Variants in CERS6 observed in about 807,000 individuals in gnomAD.
CERS6 encodes the protein ceramide synthase 6.
CERS6 carries 26 observed loss-of-function variants against 56.8 expected under a neutral mutation model. That is an observed-to-expected ratio of 0.46 (90% CI 0.34 to 0.63). The LOEUF (loss-of-function observed/expected upper bound fraction) is 0.63. Ranked by LOEUF, CERS6 falls within the 30% of genes least tolerant of loss-of-function variation. The pLI is 0.01. For missense variants in CERS6, 415 were observed against 467.5 expected (o/e 0.89, Z 1.04); for synonymous variants, 164 against 173.3 (o/e 0.95, Z 0.42).
chr2:168,506,315 C>G (rs2105347941), intron 1 of CERS6, among the ~76,000 whole-genome samples: 1 of 152,152 alleles, frequency 6.6e-6, no homozygotes, highest in African/African-American at 2.4e-5. Context: ...TTTGAATAGT[C>G]TTCCAGTCGA....
intron 3 of CERS6, among the ~76,000 whole-genome samples, chr2:168,630,301 T>TACACACAC (rs3066962): frequency 7.1e-6 from 1 of 140,020 alleles, no homozygotes; most frequent in African/African-American, 2.8e-5. Context: ...GTAATAAGTA[T>TACACACAC]ACACACACAC....
At position 168,594,490 on chromosome 2, in the gene CERS6, C is replaced by T. The variant is rs182325524; in HGVS notation, c.407+33168C>T. On this transcript the variant is annotated intron_variant, in intron 3 of 9. Coordinates refer to ENST00000305747, the MANE Select transcript of CERS6 (RefSeq NM_203463.3). ...GTCCCAGTTACTAGGGAGACTGAGG[C>T]AGGAGGATTGGTTGAGCCTGGGAGG... Among the ~76,000 whole-genome samples, 938 of 152,240 alleles carry T rather than the reference C, an allele frequency of 6.2e-3. 1 individual carries two copies. The highest frequency in any genetic ancestry group is 0.01 in the Non-Finnish European group (711 of 68,012).
chr2:168,569,512 A>C (rs1695943015), intron 3 of CERS6, among the ~76,000 whole-genome samples: 1 of 152,082 alleles, frequency 6.6e-6, no homozygotes, highest in Non-Finnish European at 1.5e-5. Flanking sequence ...ATTTGAAGAG[A>C]GTGTGAATGT....
At chr2:168,707,525 A>T (rs915903777) in intron 6 of CERS6, among the ~76,000 whole-genome samples, 4 of 152,172 alleles carry the variant, frequency 2.6e-5, no homozygotes, top group Admixed American at 2.0e-4. Flanking sequence ...GAAAAAAGTG[A>T]GTTCTAGTTA....
chr2:168,752,610 G>A (rs939749790), intron 8 of CERS6, among the ~76,000 whole-genome samples: 84 of 152,148 alleles, frequency 5.5e-4, no homozygotes, highest in Non-Finnish European at 7.5e-4. Flanking sequence ...AACAAGGAGC[G>A]TGGCACGTAG....
chr2:168,611,378 C>T lies in CERS6; in HGVS notation c.408-19607C>T, dbSNP rs182876137. Among the ~76,000 whole-genome samples, 3 of 152,282 alleles carry T rather than the reference C, an allele frequency of 2.0e-5. No individual in the cohort carries two copies. In the East Asian group the frequency reaches 5.8e-4, roughly 29 times the overall value. On this transcript the variant is annotated intron_variant, in intron 3 of 9. Transcript: ENST00000305747. ...TTAACCAGCTCCTCAATTGCCTTAA[C>T]CTGCCTAGACCCTGTAGAGATTTAA...
At chr2:168,579,233 G>C (rs1683349898) in intron 3 of CERS6, among the ~76,000 whole-genome samples, 1 of 152,262 alleles carries the variant, frequency 6.6e-6, no homozygotes, top group South Asian at 2.1e-4. Flanking sequence ...TTTCTTGGGA[G>C]GAAAAGTGGT....
chr2:168,479,373 CAT>C (rs1491377067), intron 1 of CERS6, among the ~76,000 whole-genome samples: 3 of 152,056 alleles, frequency 2.0e-5, no homozygotes, highest in Non-Finnish European at 4.4e-5. Context: ...AGTAGATATG[CAT>C]GTGTGTGTGT....
At chr2:168,726,461 G>A (rs763409422) in intron 8 of CERS6, among the ~76,000 whole-genome samples, 54 of 152,174 alleles carry the variant, frequency 3.5e-4, no homozygotes, top group East Asian at 1.9e-4. Context: ...TATTGCAAAC[G>A]TTATCATCTA....
intron 6 of CERS6, among the ~76,000 whole-genome samples, chr2:168,700,388 G>A (rs1409900688): frequency 1.3e-5 from 2 of 152,174 alleles, no homozygotes; most frequent in East Asian, 1.9e-4. Flanking sequence ...ACTATGTAGT[G>A]TACGGTGCTT....
intron 8 of CERS6, among the ~76,000 whole-genome samples, chr2:168,744,727 A>G (rs1392792630): frequency 6.6e-6 from 1 of 152,224 alleles, no homozygotes; most frequent in African/African-American, 2.4e-5. Flanking sequence ...ATCATAAATG[A>G]CCCATAATCA....
chr2:168,530,418 T>C (rs562807942), intron 1 of CERS6, among the ~76,000 whole-genome samples: 1 of 152,332 alleles, frequency 6.6e-6, no homozygotes, highest in South Asian at 2.1e-4. Context: ...ACTGTGCAAA[T>C]ATTGGCTAAC....
intron 3 of CERS6, among the ~76,000 whole-genome samples, chr2:168,620,195 G>A (rs746578795): frequency 9.2e-5 from 14 of 151,902 alleles, no homozygotes; most frequent in African/African-American, 2.2e-4. Flanking sequence ...ACCAAACATC[G>A]TATGTTCTAA....
At chr2:168,585,928 C>T (rs1162708783) in intron 3 of CERS6, among the ~76,000 whole-genome samples, 3 of 152,162 alleles carry the variant, frequency 2.0e-5, no homozygotes, top group Non-Finnish European at 4.4e-5. Context: ...ACAACTAGGG[C>T]ATTTAGATTC....
At chr2:168,667,468 A>G (rs1685791557) in intron 4 of CERS6, among the ~76,000 whole-genome samples, 1 of 152,108 alleles carries the variant, frequency 6.6e-6, no homozygotes, top group Admixed American at 6.6e-5. Context: ...TCAATTCTGC[A>G]CTCGATATGT....
At chr2:168,614,323 G>C (rs770107890) in intron 3 of CERS6, among the ~76,000 whole-genome samples, 9 of 152,136 alleles carry the variant, frequency 5.9e-5, no homozygotes, top group Non-Finnish European at 1.3e-4. Flanking sequence ...ATAAACATCT[G>C]TGTCTACACA....
chr2:168,482,932 A>G (rs1574012539), intron 1 of CERS6, among the ~76,000 whole-genome samples: 1 of 152,252 alleles, frequency 6.6e-6, no homozygotes, highest in Non-Finnish European at 1.5e-5. Context: ...TGTAAATTCC[A>G]TCATAGCCCA....
intron 8 of CERS6, among the ~76,000 whole-genome samples, chr2:168,742,547 G>A (rs1683945152): frequency 6.6e-6 from 1 of 152,206 alleles, no homozygotes; most frequent in Non-Finnish European, 1.5e-5. Context: ...CAGATCCAAA[G>A]CAGGTCAAAT....
intron 1 of CERS6, among the ~76,000 whole-genome samples, chr2:168,535,737 A>T (rs1574049521): frequency 3.6e-5 from 3 of 82,780 alleles, no homozygotes; most frequent in African/African-American, 1.4e-4. Context: ...TTTGTTACTT[A>T]TTTCTGTATA....
Sources: allele counts gnomAD v4.1 joint callset (sites outside exome capture counted in the v4.1 genomes callset), GRCh38; gene constraint gnomAD v4.1.1; transcripts MANE v1.5; gene names NCBI Gene and HGNC (gene_info 2026-07-23, HGNC 2026-07-21).